Variants in SLC2A13 observed in about 807,000 individuals in gnomAD.
SLC2A13 encodes solute carrier family 2 member 13, also known as proton myo-inositol cotransporter.
SLC2A13 carries 32 observed loss-of-function variants against 64.4 expected under a neutral mutation model. That is an observed-to-expected ratio of 0.50 (90% CI 0.37 to 0.67). The LOEUF (loss-of-function observed/expected upper bound fraction) is 0.67, where lower values mean the gene tolerates loss of function less well. Among genes scored for constraint, SLC2A13 ranks in the 30% least tolerant of loss-of-function variants. The probability of loss-of-function intolerance (pLI) is 0.00; values close to 1 mark genes in which losing one functional copy is unlikely to be tolerated. For missense variants in SLC2A13, 743 were observed against 829.2 expected (o/e 0.90, Z 1.28); for synonymous variants, 338 against 327.1 (o/e 1.03, Z -0.36).
At chr12:39,777,974 G>C (rs977119127) in intron 7 of SLC2A13, among the ~76,000 whole-genome samples, 24 of 151,956 alleles carry the variant, frequency 1.6e-4, no homozygotes, top group Admixed American at 1.5e-3. Context: ...ACCTATGGAT[G>C]GCTAAACTAA....
intron 3 of SLC2A13, among the ~76,000 whole-genome samples, chr12:39,957,355 T>C (rs1376859906): frequency 3.3e-5 from 5 of 152,230 alleles, no homozygotes; most frequent in African/African-American, 1.2e-4. Context: ...CTTATTTTTC[T>C]TAGCATAAAA....
At chr12:39,776,837 A>G (rs908487591) in intron 7 of SLC2A13, among the ~76,000 whole-genome samples, 1 of 152,248 alleles carries the variant, frequency 6.6e-6, no homozygotes, top group Non-Finnish European at 1.5e-5. Flanking sequence ...AAGTTATAAC[A>G]AAGTGATGGC....
At chr12:39,953,222 C>CA (rs1247972083) in intron 3 of SLC2A13, among the ~76,000 whole-genome samples, 2 of 152,080 alleles carry the variant, frequency 1.3e-5, no homozygotes, top group African/African-American at 4.8e-5. Flanking sequence ...GCCATAAAAA[C>CA]AAGAGATAAG....
intron 1 of SLC2A13, among the ~76,000 whole-genome samples, chr12:40,101,539 T>C (rs1358972766): frequency 6.6e-6 from 1 of 152,110 alleles, no homozygotes; most frequent in Non-Finnish European, 1.5e-5. Flanking sequence ...AGAAAGAAGG[T>C]AAAAGAGCTT....
intron 2 of SLC2A13, among the ~76,000 whole-genome samples, chr12:40,031,968 G>C (rs1355321191): frequency 6.6e-6 from 1 of 152,128 alleles, no homozygotes; most frequent in Non-Finnish European, 1.5e-5. Flanking sequence ...CCCCAGAAAA[G>C]CAAGTAGTCT....
intron 3 of SLC2A13, among the ~76,000 whole-genome samples, chr12:39,954,795 T>G (rs1158113606): frequency 6.6e-6 from 1 of 152,168 alleles, no homozygotes; most frequent in Non-Finnish European, 1.5e-5. Flanking sequence ...CGGGACCAAT[T>G]CATCAAGAGA....
At chr12:39,862,456 G>A (rs1338899454) in intron 6 of SLC2A13, among the ~76,000 whole-genome samples, 2 of 152,120 alleles carry the variant, frequency 1.3e-5, no homozygotes, top group Non-Finnish European at 2.9e-5. Flanking sequence ...ACTTTTATTA[G>A]GCAGAACCAT....
intron 6 of SLC2A13, among the ~76,000 whole-genome samples, chr12:39,840,000 T>C (rs552747807): frequency 7.4e-4 from 112 of 152,216 alleles, no homozygotes; most frequent in Non-Finnish European, 1.4e-3. Context: ...GTCTCAAGCA[T>C]GTATAGTTCC....
In SLC2A13 at chr12:39,755,521, G is replaced by T. The variant is rs896217174; in HGVS notation, c.*4505C>A. On this transcript the variant is annotated 3_prime_UTR_variant, in exon 10 of 10. Transcript: ENST00000280871. ...AAAGCTGCTAGGAGACAGTTTGGACGTGTAGAATATAAATTTCTACTTTGG... is the reference window on the plus strand; with the variant it reads ...AAAGCTGCTAGGAGACAGTTTGGACTTGTAGAATATAAATTTCTACTTTGG... 6.6e-6 allele frequency: 1 copy of T among 152,066 alleles called. No homozygotes were observed. Among genetic ancestry groups the T allele is most frequent in the Non-Finnish European group, 1.5e-5 (1 of 67,878 alleles). 9.4% of individuals were successfully genotyped at this position (152,066 alleles called of 1,614,324 possible). A position where few individuals can be genotyped will look rare whatever the true frequency, so the allele number is the denominator to read the frequency against.
intron 3 of SLC2A13, among the ~76,000 whole-genome samples, chr12:40,020,797 T>C (rs550448501): frequency 6.6e-6 from 1 of 152,280 alleles, no homozygotes. Context: ...CTCCAAATCA[T>C]GGTTTTATTT....
intron 4 of SLC2A13, among the ~76,000 whole-genome samples, chr12:39,878,937 G>A (rs1019896772): frequency 1.3e-5 from 2 of 152,226 alleles, no homozygotes; most frequent in African/African-American, 4.8e-5. Flanking sequence ...GGTTTTGTAG[G>A]CCAGCCCAGA....
rs75900287 is a variant in SLC2A13, at chr12:39,947,395, C to T, written c.1034+3862G>A. 5.2e-3 allele frequency among the ~76,000 whole-genome samples: 798 copies of T among 152,268 alleles called. 4 individuals carry two copies. Among genetic ancestry groups the T allele is most frequent in the Non-Finnish European group, 8.9e-3 (605 of 68,016 alleles). On this transcript the variant is annotated intron_variant, in intron 4 of 9. Transcript: ENST00000280871. ...CAAGACAGACTGATTATCTGCTTATCAGAATATACCAAAATATAGTTTACT... is the reference window on the plus strand; with the variant it reads ...CAAGACAGACTGATTATCTGCTTATTAGAATATACCAAAATATAGTTTACT...
At chr12:39,896,440 A>G (rs575748260) in intron 4 of SLC2A13, among the ~76,000 whole-genome samples, 4 of 141,700 alleles carry the variant, frequency 2.8e-5, no homozygotes, top group Non-Finnish European at 4.6e-5. Flanking sequence ...ATGTATACAT[A>G]TATGTATATG....
rs895568347 is a variant in SLC2A13, at chr12:39,882,097, C to T, written c.1035-10136G>A. Among the ~76,000 whole-genome samples, 11 of 152,160 alleles carry T rather than the reference C, an allele frequency of 7.2e-5. No individual in the cohort carries two copies. The South Asian group carries it at 2.3e-3, about 32-fold the overall frequency. The stretch of plus-strand genomic sequence containing the variant: ...TCTCATGTAGACTTTATTCCAGACA[C>T]TGCTTCTTTTTTATTATCCATCATC... On this transcript the variant is annotated intron_variant, in intron 4 of 9. Coordinates refer to ENST00000280871, the MANE Select transcript of SLC2A13 (RefSeq NM_052885.4).
chr12:40,090,750 C>T (rs1280056529), intron 1 of SLC2A13, among the ~76,000 whole-genome samples: 1 of 152,146 alleles, frequency 6.6e-6, no homozygotes, highest in Non-Finnish European at 1.5e-5. Context: ...TTTCCTTAAT[C>T]AGGTTATAAA....
At chr12:40,098,029 A>ATATATGTATATATG (rs1565626605) in intron 1 of SLC2A13, among the ~76,000 whole-genome samples, 74 of 146,398 alleles carry the variant, frequency 5.1e-4, no homozygotes, top group African/African-American at 1.8e-3. Flanking sequence ...GTGTATATGT[A>ATATATGTATATATG]TGTATATATG....
At chr12:39,863,185 TTGAA>T (rs1378250771) in intron 6 of SLC2A13, among the ~76,000 whole-genome samples, 4 of 152,122 alleles carry the variant, frequency 2.6e-5, no homozygotes, top group African/African-American at 9.7e-5. Flanking sequence ...CTCATTAAAA[TTGAA>T]TATTAAAATA....
At chr12:39,913,442 CA>C (rs1453561401) in intron 4 of SLC2A13, among the ~76,000 whole-genome samples, 1 of 148,606 alleles carries the variant, frequency 6.7e-6, no homozygotes, top group Non-Finnish European at 1.5e-5. Context: ...AGCCTCCATA[CA>C]ATAATAAATA....
At chr12:40,074,547 T>G (rs765786456) in intron 1 of SLC2A13, among the ~76,000 whole-genome samples, 6 of 152,302 alleles carry the variant, frequency 3.9e-5, no homozygotes, top group African/African-American at 7.2e-5. Context: ...TCTCTCTGCT[T>G]ACATTACCCA....
Sources: gnomAD v4.1 joint callset for allele counts (sites outside exome capture counted in the v4.1 genomes callset) on GRCh38, gnomAD v4.1.1 for gene constraint, MANE v1.5 for transcripts, NCBI Gene and HGNC (gene_info 2026-07-23, HGNC 2026-07-21) for gene names.